The following GPM6B variants were observed in gnomAD, a reference collection of about 807,000 sequenced individuals.
GPM6B encodes neuronal membrane glycoprotein M6-b.
GPM6B carries 4 observed loss-of-function variants against 27.2 expected under a neutral mutation model. The observed-to-expected ratio is 0.15, with a 90% confidence interval of 0.07 to 0.34. The LOEUF is 0.34. Ranked by LOEUF, GPM6B falls within the 10% of genes least tolerant of loss-of-function variation. The pLI is 1.00. For synonymous variants in GPM6B, 124 were observed against 103.1 expected (o/e 1.20, Z -1.23); for missense variants, 183 against 261.9 (o/e 0.70, Z 2.08).
intron 1 of GPM6B, among the ~76,000 whole-genome samples, chrX:13,846,903 A>C (rs1457882091): frequency 6.5e-5 from 7 of 107,713 alleles, no homozygotes; most frequent in Admixed American, 6.1e-4. Flanking sequence ...TTTACACAGG[A>C]ATCACTTCTT....
intron 1 of GPM6B, among the ~76,000 whole-genome samples, chrX:13,836,087 T>C (rs757478508): frequency 1.8e-5 from 2 of 112,049 alleles, no homozygotes; most frequent in African/African-American, 3.2e-5. Flanking sequence ...ATAAGCAAGA[T>C]GTGTTAAACG....
chrX:13,875,932 A>C (rs757832242), intron 1 of GPM6B, among the ~76,000 whole-genome samples: 18 of 112,234 alleles, frequency 1.6e-4, no homozygotes, highest in Non-Finnish European at 3.2e-4. Flanking sequence ...AATGTCCTAG[A>C]ACTAGATAGT....
chrX:13,780,948 A>G (rs911805754), intron 4 of GPM6B: 1 of 320,967 alleles, frequency 3.1e-6, no homozygotes, highest in Admixed American at 3.2e-5. Flanking sequence ...TGATGGTCAC[A>G]ATGCCAGGAA....
chrX:13,932,853 C>T (rs1257569944), intron 1 of GPM6B, among the ~76,000 whole-genome samples: 1 of 110,835 alleles, frequency 9.0e-6, no homozygotes. Context: ...TATTTTATAG[C>T]AGCAGAAGAA....
At chrX:13,777,008 A>AG (rs1430469999) in intron 6 of GPM6B, among the ~76,000 whole-genome samples, 55 of 95,163 alleles carry the variant, frequency 5.8e-4, no homozygotes, top group Non-Finnish European at 1.1e-3. Flanking sequence ...CTACTTTGAA[A>AG]ATCTTTCAAA....
At chrX:13,816,637 G>A (rs767028236) in intron 1 of GPM6B, among the ~76,000 whole-genome samples, 2 of 111,350 alleles carry the variant, frequency 1.8e-5, no homozygotes, top group Non-Finnish European at 3.8e-5. Context: ...CACGTCGGTA[G>A]AAAGATTTGG....
chrX:13,793,276 G>T (rs1402627561), intron 2 of GPM6B, among the ~76,000 whole-genome samples: 4 of 110,831 alleles, frequency 3.6e-5, no homozygotes, highest in Non-Finnish European at 7.6e-5. Context: ...CCTATAACCT[G>T]CAAGCCACCC....
chrX:13,781,534 GCCCTGTCTTTTCAC>G (rs1365342279), intron 4 of GPM6B, among the ~76,000 whole-genome samples: 1 of 111,292 alleles, frequency 9.0e-6, no homozygotes, highest in Admixed American at 9.5e-5. Flanking sequence ...TGCTTCCTCT[GCCCTGTCTTTTCAC>G]CAAGCCAGAC....
At chrX:13,857,579 T>C (rs56842096) in intron 1 of GPM6B, among the ~76,000 whole-genome samples, 1,937 of 112,207 alleles carry the variant, frequency 0.017, 38 homozygotes, top group East Asian at 0.14. Flanking sequence ...AACTGAGATA[T>C]TGGCAGACTA....
At chrX:13,777,213 T>G (rs2048429781) in intron 6 of GPM6B, 139 bp downstream of exon 6, 1 of 477,880 alleles carries the variant, frequency 2.1e-6, no homozygotes, top group East Asian at 3.7e-5. Flanking sequence ...TGGTTACATA[T>G]AGCTCTATCT....
At chrX:13,812,910 TAAAAAAAAA>T (rs764381034) in intron 1 of GPM6B, 4 of 89,762 alleles carry the variant, frequency 4.5e-5, no homozygotes, top group Non-Finnish European at 9.0e-5. Context: ...TTAAATGTTC[TAAAAAAAAA>T]AAAAAAAAAT....
intron 1 of GPM6B, among the ~76,000 whole-genome samples, chrX:13,895,092 A>T (rs1212760791): frequency 9.0e-6 from 1 of 111,576 alleles, no homozygotes; most frequent in East Asian, 2.8e-4. Context: ...TGAATTTGAG[A>T]GTGTCTACTG....
At chrX:13,778,054 G>T (rs9699264) in intron 5 of GPM6B, among the ~76,000 whole-genome samples, 1,288 of 93,733 alleles carry the variant, frequency 0.014, 26 homozygotes, top group African/African-American at 0.045. Context: ...AAATTGGTTT[G>T]TTTTTTTTTT....
At chrX:13,784,570 TATAATC>T (rs1296931882) in intron 3 of GPM6B, among the ~76,000 whole-genome samples, 1 of 112,192 alleles carries the variant, frequency 8.9e-6, no homozygotes, top group African/African-American at 3.2e-5. Flanking sequence ...AGAAGTTTCT[TATAATC>T]ATAAGACACA....
At chrX:13,809,234 T>C (rs1261236314) in intron 1 of GPM6B, among the ~76,000 whole-genome samples, 1 of 112,024 alleles carries the variant, frequency 8.9e-6, no homozygotes, top group Non-Finnish European at 1.9e-5. Flanking sequence ...AGCCTGAATG[T>C]GAACCTTAGC....
At chrX:13,863,006 C>T (rs2049870481) in intron 1 of GPM6B, among the ~76,000 whole-genome samples, 1 of 111,404 alleles carries the variant, frequency 9.0e-6, no homozygotes, top group Non-Finnish European at 1.9e-5. Flanking sequence ...TGGAAATACA[C>T]TTTAAAAATT....
chrX:13,833,428 G>C (rs981527537), intron 1 of GPM6B, among the ~76,000 whole-genome samples: 1 of 108,833 alleles, frequency 9.2e-6, no homozygotes, highest in Admixed American at 9.9e-5. Context: ...TTTAAAAATT[G>C]TGTCAGCCAG....
chrX:13,825,282 G>A, intron 1 of GPM6B, among the ~76,000 whole-genome samples: 2 of 112,344 alleles, frequency 1.8e-5, no homozygotes, highest in East Asian at 5.6e-4. Flanking sequence ...TGTGGGTGGT[G>A]TCTGTGCAGC....
intron 2 of GPM6B, among the ~76,000 whole-genome samples, chrX:13,800,436 A>T (rs2048900508): frequency 8.9e-6 from 1 of 112,598 alleles, no homozygotes; most frequent in Non-Finnish European, 1.9e-5. Context: ...GGAATTTGTT[A>T]TGCAACAATT....
Sources: gnomAD v4.1 joint callset for allele counts (sites outside exome capture counted in the v4.1 genomes callset) on GRCh38, gnomAD v4.1.1 for gene constraint, MANE v1.5 for transcripts, NCBI Gene and HGNC (gene_info 2026-07-23, HGNC 2026-07-21) for gene names.